The following CALCR variants were observed in gnomAD, a reference collection of about 807,000 sequenced individuals.
The protein encoded by CALCR is calcitonin receptor.
Under a neutral mutation model 59.5 loss-of-function variants are expected in CALCR, and 47 were observed. The observed-to-expected ratio is 0.79, with a 90% confidence interval of 0.63 to 1.01. The LOEUF (loss-of-function observed/expected upper bound fraction) is 1.01, where lower values mean the gene tolerates loss of function less well. Ranked by LOEUF, CALCR falls within the 50% of genes least tolerant of loss-of-function variation. The pLI, the probability that CALCR is intolerant of heterozygous loss-of-function variation, is 0.00. For synonymous variants in CALCR, 213 were observed against 211.3 expected (o/e 1.01, Z -0.07); for missense variants, 566 against 597.1 (o/e 0.95, Z 0.54).
chr7:93,454,878 C>A (rs1052468044), intron 8 of CALCR, among the ~76,000 whole-genome samples: 2 of 149,996 alleles, frequency 1.3e-5, no homozygotes, highest in Non-Finnish European at 3.0e-5. Flanking sequence ...GACCACAAAT[C>A]CACAGGGATT....
chr7:93,455,484 G>A (rs557390912), intron 8 of CALCR, among the ~76,000 whole-genome samples: 1 of 151,388 alleles, frequency 6.6e-6, no homozygotes, highest in South Asian at 2.1e-4. Flanking sequence ...TTAATCTAAT[G>A]TATTCTGGAG....
rs138273321 is a variant in CALCR at position 93,519,628 on chromosome 7, A to C, written c.-26-32621T>G. ...AGACATTTCCAAATTCAATTCTGTT[A>C]TAATATAGTCTGTGATATGGTTAGG... On this transcript the variant is annotated intron_variant, in intron 2 of 13. Coordinates refer to ENST00000426151, the MANE Select transcript of CALCR (RefSeq NM_001742.4). 8.1e-4 allele frequency among the ~76,000 whole-genome samples: 123 copies of C among 152,204 alleles called. 1 individual carries two copies. In the East Asian group the frequency reaches 0.023, roughly 29 times the overall value.
chr7:93,550,435 C>T (rs1789416651), intron 2 of CALCR, among the ~76,000 whole-genome samples: 1 of 142,248 alleles, frequency 7.0e-6, no homozygotes. Context: ...TTGCAGTGAG[C>T]CGAGATCATG....
chr7:93,477,961 CAAAAAAAAAAAAAAAAAAAA>C (rs71107894), intron 4 of CALCR, among the ~76,000 whole-genome samples: 1 of 54,378 alleles, frequency 1.8e-5, no homozygotes, highest in African/African-American at 7.1e-5. Context: ...GACCCTCTCT[CAAAAAAAAAAAAAAAAAAAA>C]AAAAAAAAAA....
At chr7:93,431,344 G>A (rs963485855) in intron 13 of CALCR, among the ~76,000 whole-genome samples, 2 of 152,222 alleles carry the variant, frequency 1.3e-5, no homozygotes, top group African/African-American at 4.8e-5. Context: ...CTGGCACCAT[G>A]TCCAACAGCG....
At chr7:93,444,742 G>A (rs778479898) in intron 8 of CALCR, among the ~76,000 whole-genome samples, 26 of 152,068 alleles carry the variant, frequency 1.7e-4, no homozygotes, top group Admixed American at 5.9e-4. Flanking sequence ...TAATGACAAC[G>A]GAATTTAGCA....
intron 2 of CALCR, among the ~76,000 whole-genome samples, chr7:93,519,536 G>A (rs1013064531): frequency 6.6e-6 from 1 of 152,004 alleles, no homozygotes; most frequent in Admixed American, 6.6e-5. Flanking sequence ...GCAGTCCTCA[G>A]CACATAGTAT....
At chr7:93,513,819 G>T (rs1801598462) in intron 2 of CALCR, among the ~76,000 whole-genome samples, 1 of 147,082 alleles carries the variant, frequency 6.8e-6, no homozygotes, top group Non-Finnish European at 1.5e-5. Context: ...GTAGATATTT[G>T]TTTTTATTTA....
rs150954756 is a variant in CALCR at position 93,565,223 on chromosome 7, T to C, written c.-27+9066A>G. On this transcript the variant is annotated intron_variant, in intron 2 of 13. Transcript: ENST00000426151. Reference sequence around the variant, plus strand: ...ACTATTACCTCCTGGTTGGAAAATATGTCATCTCTGCTATGGTCTCCTCTT... The same window carrying C: ...ACTATTACCTCCTGGTTGGAAAATACGTCATCTCTGCTATGGTCTCCTCTT... Among the ~76,000 whole-genome samples, 245 of 152,358 alleles carry C rather than the reference T, an allele frequency of 1.6e-3. 1 individual carries two copies. The highest frequency in any genetic ancestry group is 5.7e-3 in the African/African-American group (236 of 41,590).
chr7:93,452,494 T>A (rs1322115267), intron 8 of CALCR, among the ~76,000 whole-genome samples: 1 of 151,992 alleles, frequency 6.6e-6, no homozygotes, highest in African/African-American at 2.4e-5. Flanking sequence ...CATCAGAAAG[T>A]CTAGCAGTAA....
intron 7 of CALCR, among the ~76,000 whole-genome samples, chr7:93,461,511 C>T (rs1006353712): frequency 2.6e-5 from 4 of 152,146 alleles, no homozygotes; most frequent in Non-Finnish European, 5.9e-5. Context: ...AGAATCATCA[C>T]TGTAGTTCCT....
At chr7:93,460,595 A>ATATATATATATGTG (rs1554397841) in intron 8 of CALCR, among the ~76,000 whole-genome samples, 2 of 77,824 alleles carry the variant, frequency 2.6e-5, no homozygotes, top group African/African-American at 1.0e-4. Context: ...ATATATATGT[A>ATATATATATATGTG]TATATATATA....
At chr7:93,499,835 A>G (rs150546952) in intron 2 of CALCR, among the ~76,000 whole-genome samples, 184 of 152,020 alleles carry the variant, frequency 1.2e-3, no homozygotes, top group African/African-American at 4.2e-3. Context: ...AAGTTTTAAA[A>G]TATTTATGTA....
At chr7:93,553,699 G>C (rs1789524053) in intron 2 of CALCR, among the ~76,000 whole-genome samples, 2 of 152,108 alleles carry the variant, frequency 1.3e-5, no homozygotes, top group Admixed American at 1.3e-4. Context: ...ATGATTCTAT[G>C]AGTGAGTACA....
At chr7:93,463,698 G>A (rs567784167) in intron 7 of CALCR, among the ~76,000 whole-genome samples, 1 of 152,014 alleles carries the variant, frequency 6.6e-6, no homozygotes, top group Admixed American at 6.6e-5. Context: ...GAAGAGGTGT[G>A]GGATGCTAGA....
At chr7:93,546,081 A>G (rs1033490850) in intron 2 of CALCR, among the ~76,000 whole-genome samples, 1 of 152,190 alleles carries the variant, frequency 6.6e-6, no homozygotes, top group East Asian at 1.9e-4. Flanking sequence ...TTTTTTTACC[A>G]TAATCCCATA....
intron 3 of CALCR, among the ~76,000 whole-genome samples, chr7:93,480,562 C>A (rs980601154): frequency 6.6e-6 from 1 of 151,806 alleles, no homozygotes; most frequent in African/African-American, 2.4e-5. Flanking sequence ...GTGCTAGTTT[C>A]TAAACAAAAC....
intron 2 of CALCR, among the ~76,000 whole-genome samples, chr7:93,541,873 C>G (rs967078023): frequency 7.9e-5 from 12 of 152,144 alleles, no homozygotes; most frequent in African/African-American, 2.7e-4. Context: ...TTAGACAAAT[C>G]TGTGATGTTT....
At chr7:93,506,199 C>G (rs780145056) in intron 2 of CALCR, among the ~76,000 whole-genome samples, 12 of 152,140 alleles carry the variant, frequency 7.9e-5, no homozygotes, top group Non-Finnish European at 1.3e-4. Context: ...CAGTTATTTA[C>G]CCCAGAAAAT....
Sources: allele counts gnomAD v4.1 joint callset (sites outside exome capture counted in the v4.1 genomes callset), GRCh38; gene constraint gnomAD v4.1.1; transcripts MANE v1.5; gene names NCBI Gene and HGNC (gene_info 2026-07-23, HGNC 2026-07-21).